ADAMTS6: variants seen among roughly 807,000 people sequenced by gnomAD.
ADAMTS6 encodes the protein ADAM metallopeptidase with thrombospondin type 1 motif 6.
A neutral mutation model predicts 144.3 loss-of-function variants in ADAMTS6; 23 were observed. The observed-to-expected ratio is 0.16, with a 90% CI of 0.11 to 0.23. The LOEUF (loss-of-function observed/expected upper bound fraction) is 0.23. ADAMTS6 is among the 10% of genes least tolerant of loss of function. ADAMTS6 has a pLI of 1.00. For synonymous variants in ADAMTS6, 444 were observed against 457.5 expected, an observed-to-expected ratio of 0.97 and a Z score of 0.38; for missense variants, 999 against 1,379.6, an observed-to-expected ratio of 0.72 and a Z score of 4.37.
intron 2 of ADAMTS6, 108 bp from the exon 3 acceptor site, chr5:65,471,250 TATGAATCATTATA>T: frequency 9.1e-7 from 1 of 1,103,054 alleles, no homozygotes; most frequent in African/African-American, 1.6e-5. Context: ...CAATTAAAAC[TATGAATCATTATA>T]TGTGAGGTAT....
intron 24 of ADAMTS6, among the ~76,000 whole-genome samples, chr5:65,160,309 CTTT>C (rs796848986): frequency 1.1e-4 from 15 of 139,356 alleles, no homozygotes; most frequent in Admixed American, 1.4e-4. Flanking sequence ...CTCCGACTTT[CTTT>C]TTTTTTTTTT....
intron 9 of ADAMTS6, among the ~76,000 whole-genome samples, chr5:65,308,371 G>T (rs1460364242): frequency 6.6e-6 from 1 of 152,152 alleles, no homozygotes; most frequent in East Asian, 1.9e-4. Flanking sequence ...AGGAAAAAAT[G>T]ATGCAATTAT....
At chr5:65,466,035 C>T (rs1257731459) in intron 3 of ADAMTS6, among the ~76,000 whole-genome samples, 1 of 152,210 alleles carries the variant, frequency 6.6e-6, no homozygotes, top group Non-Finnish European at 1.5e-5. Context: ...CAACATCTCA[C>T]GTTTAACACC....
intron 7 of ADAMTS6, among the ~76,000 whole-genome samples, chr5:65,417,949 T>C (rs536940343): frequency 6.6e-6 from 1 of 150,988 alleles, no homozygotes; most frequent in South Asian, 2.1e-4. Flanking sequence ...AAAGCTGGAG[T>C]CATCACATTA....
chr5:65,264,271 C>A (rs1761436822), intron 12 of ADAMTS6, among the ~76,000 whole-genome samples: 1 of 152,154 alleles, frequency 6.6e-6, no homozygotes, highest in Admixed American at 6.5e-5. Context: ...ATTTAGTGAT[C>A]TAGCCCCTGC....
intron 9 of ADAMTS6, among the ~76,000 whole-genome samples, chr5:65,311,826 A>T (rs552098040): frequency 2.2e-4 from 34 of 152,206 alleles, no homozygotes; most frequent in African/African-American, 8.2e-4. Flanking sequence ...GATTCTTTTT[A>T]AAATCATAAC....
At chr5:65,408,867 A>G (rs6888472) in intron 7 of ADAMTS6, among the ~76,000 whole-genome samples, 59,634 of 152,020 alleles carry the variant, frequency 0.39, 12,062 homozygotes, top group South Asian at 0.44. Flanking sequence ...GCTCAACTAC[A>G]TGGAAACTGA....
chr5:65,290,490 G>T (rs1419824849), intron 11 of ADAMTS6, among the ~76,000 whole-genome samples: 1 of 152,058 alleles, frequency 6.6e-6, no homozygotes, highest in Non-Finnish European at 1.5e-5. Context: ...GACAGAGGTT[G>T]CAGTGAGCCA....
rs140845087 is a variant in ADAMTS6 at position 65,207,831 on chromosome 5, C to T, written c.2575+6963G>A. On this transcript the variant is annotated intron_variant, in intron 20 of 24. Transcript: ENST00000381055. ...AAATTAAAGTTGGTTGAATACCCGA[C>T]CATCTACTCATTTTAGCTCTGTATC... 2.6e-3 allele frequency among the ~76,000 whole-genome samples: 393 copies of T among 152,302 alleles called. 2 individuals carry two copies. Among genetic ancestry groups the T allele is most frequent in the African/African-American group, 9.1e-3 (378 of 41,570 alleles).
rs149178220 is a variant in ADAMTS6 at position 65,350,066 on chromosome 5, G to C, written c.1074-15981C>G. ...TCAGAATTCAAAAATGCTAAAATACGTGTTTACTAATGAGCTACTAGAATG... is the reference window on the plus strand; with the variant it reads ...TCAGAATTCAAAAATGCTAAAATACCTGTTTACTAATGAGCTACTAGAATG... On this transcript the variant is annotated intron_variant, in intron 7 of 24. Coordinates refer to ENST00000381055, the MANE Select transcript of ADAMTS6 (RefSeq NM_197941.4). Among the ~76,000 whole-genome samples, 686 of 152,206 alleles carry C rather than the reference G, an allele frequency of 4.5e-3. 5 individuals carry two copies. The highest frequency in any genetic ancestry group is 0.015 in the African/African-American group (639 of 41,526).
intron 1 of ADAMTS6, among the ~76,000 whole-genome samples, 186 bp downstream of exon 1, chr5:65,481,157 C>G (rs1761169411): frequency 6.8e-6 from 1 of 148,118 alleles, no homozygotes; most frequent in Non-Finnish European, 1.5e-5. Context: ...CCCGACAAGT[C>G]TGGAGTTAAA....
rs746422686 is a variant in ADAMTS6 at position 65,305,813 on chromosome 5, G to GAC, written c.1224-5684_1224-5683dup. On this transcript the variant is annotated intron_variant, in intron 9 of 24. Transcript: ENST00000381055. The stretch of plus-strand genomic sequence containing the variant: ...ACAGACACACACATATGCACACATG[G>GAC]ACACACACACACACAGGCACACATG... 1.1e-3 allele frequency among the ~76,000 whole-genome samples: 166 copies of GAC among 151,172 alleles called. 1 individual carries two copies. The highest frequency in any genetic ancestry group is 3.8e-3 in the African/African-American group (155 of 41,308).
chr5:65,199,099 AGGGG>A (rs1755571701), intron 20 of ADAMTS6, among the ~76,000 whole-genome samples: 1 of 151,972 alleles, frequency 6.6e-6, no homozygotes, highest in Admixed American at 6.6e-5. Flanking sequence ...CAGGGACAGC[AGGGG>A]ATTTTTTTTT....
At chr5:65,244,816 A>C (rs1214569318) in intron 14 of ADAMTS6, among the ~76,000 whole-genome samples, 2 of 152,178 alleles carry the variant, frequency 1.3e-5, no homozygotes, top group Non-Finnish European at 2.9e-5. Context: ...CAATAATAGC[A>C]TTACAGGTTT....
intron 7 of ADAMTS6, among the ~76,000 whole-genome samples, chr5:65,441,832 C>CA (rs34446676): frequency 0.077 from 7,766 of 100,542 alleles, 466 homozygotes; most frequent in African/African-American, 0.17. Context: ...AGCCATGGGT[C>CA]AAAAAAAAAA....
intron 8 of ADAMTS6, among the ~76,000 whole-genome samples, chr5:65,329,918 AG>A (rs1746555618): frequency 2.0e-5 from 3 of 152,128 alleles, no homozygotes; most frequent in South Asian, 4.1e-4. Flanking sequence ...TACCAAAAAA[AG>A]GGGGAATCCC....
At chr5:65,301,102 T>C (rs960766779) in intron 9 of ADAMTS6, among the ~76,000 whole-genome samples, 3 of 152,194 alleles carry the variant, frequency 2.0e-5, no homozygotes, top group African/African-American at 4.8e-5. Context: ...GTCATTTTTT[T>C]CCTGTGTTAT....
At chr5:65,470,723 C>T in intron 3 of ADAMTS6, 55 bp downstream of exon 3, 2 of 1,446,318 alleles carry the variant, frequency 1.4e-6, no homozygotes, top group South Asian at 2.9e-5. Context: ...AAGACATTTA[C>T]ATTGCAAAAT....
At chr5:65,217,963 C>T (rs958394389) in intron 18 of ADAMTS6, among the ~76,000 whole-genome samples, 6 of 152,216 alleles carry the variant, frequency 3.9e-5, no homozygotes, top group Admixed American at 2.6e-4. Context: ...CCATGATCTC[C>T]ACAACTTTCT....
Sources: gnomAD v4.1 joint callset for allele counts (sites outside exome capture counted in the v4.1 genomes callset) on GRCh38, gnomAD v4.1.1 for gene constraint, MANE v1.5 for transcripts, NCBI Gene and HGNC (gene_info 2026-07-23, HGNC 2026-07-21) for gene names.